The following SHISA9 variants were observed in gnomAD, a reference collection of about 807,000 sequenced individuals.
SHISA9 encodes protein shisa-9.
A neutral mutation model predicts 38.0 loss-of-function variants in SHISA9; 13 were observed. The ratio of observed to expected loss-of-function variants is 0.34; its 90% CI spans 0.22 to 0.54. The LOEUF is 0.54. Among genes scored for constraint, SHISA9 ranks in the 20% least tolerant of loss-of-function variants. The pLI, the probability that SHISA9 is intolerant of heterozygous loss-of-function variation, is 0.91. For missense variants in SHISA9, 538 were observed against 575.8 expected (o/e 0.93, Z 0.67); for synonymous variants, 275 against 242.0 (o/e 1.14, Z -1.27).
intron 2 of SHISA9, among the ~76,000 whole-genome samples, chr16:13,196,112 A>G (rs1426009614): frequency 3.1e-4 from 43 of 138,954 alleles, no homozygotes; most frequent in Middle Eastern, 8.1e-3. Flanking sequence ...AAAAAAAAAA[A>G]AAAGGCCAGG....
the SHISA9 span, among the ~76,000 whole-genome samples, chr16:13,550,869 A>T: frequency 2.8e-4 from 43 of 152,018 alleles, no homozygotes; most frequent in Non-Finnish European, 5.4e-4. Context: ...CACACTTGTA[A>T]TCCCAGCACT....
At chr16:13,118,512 G>A (rs1246979515) in intron 2 of SHISA9, among the ~76,000 whole-genome samples, 1 of 152,102 alleles carries the variant, frequency 6.6e-6, no homozygotes, top group African/African-American at 2.4e-5. Context: ...CTAGAACAGT[G>A]CTTCCCAAAA....
chr16:12,902,127 C>T lies in SHISA9; in HGVS notation c.63C>T (p.Cys21=). Reference sequence around the variant, plus strand: ...TCACCGAGCTGTGCGCCCGCGTGTGCCGGGCGCAGGAGCGAGCGGGACACG... The same window carrying T: ...TCACCGAGCTGTGCGCCCGCGTGTGTCGGGCGCAGGAGCGAGCGGGACACG... ...CFLTELCARV[C]RAQERAGHGQ... The change falls in exon 1 of 5, where the codon TGC becomes TGT. Residue 21 remains cysteine (C), a synonymous_variant. Coordinates refer to ENST00000558583, the MANE Select transcript of SHISA9 (RefSeq NM_001145204.3). 1 of 1,464,530 alleles carries T rather than the reference C, an allele frequency of 6.8e-7. No individual in the cohort carries two copies. Among genetic ancestry groups the T allele is most frequent in the Non-Finnish European group, 9.0e-7 (1 of 1,113,070 alleles). 90.7% of individuals were successfully genotyped at this position (1,464,530 alleles called of 1,614,324 possible). A position where few individuals can be genotyped will look rare whatever the true frequency, so the allele number is the denominator to read the frequency against.
chr16:13,280,954 G>A, the SHISA9 span, among the ~76,000 whole-genome samples: 1 of 151,636 alleles, frequency 6.6e-6, no homozygotes, highest in Non-Finnish European at 1.5e-5. Context: ...AATATATTAG[G>A]TTGATGCAAA....
At chr16:13,512,900 A>C in the SHISA9 span, among the ~76,000 whole-genome samples, 1 of 152,230 alleles carries the variant, frequency 6.6e-6, no homozygotes, top group Non-Finnish European at 1.5e-5. Context: ...CAAAACTATA[A>C]AAACCCTGGA....
At chr16:13,554,669 T>A in the SHISA9 span, among the ~76,000 whole-genome samples, 1 of 152,156 alleles carries the variant, frequency 6.6e-6, no homozygotes, top group African/African-American at 2.4e-5. Context: ...TTTTTGTATT[T>A]TTAGCAGAGA....
At chr16:13,035,353 A>G (rs1255094542) in intron 2 of SHISA9, among the ~76,000 whole-genome samples, 3 of 152,136 alleles carry the variant, frequency 2.0e-5, no homozygotes, top group Non-Finnish European at 2.9e-5. Flanking sequence ...GGTTTGAGAA[A>G]ACATGGCAGG....
At chr16:13,497,953 A>G in the SHISA9 span, among the ~76,000 whole-genome samples, 1 of 152,156 alleles carries the variant, frequency 6.6e-6, no homozygotes, top group Non-Finnish European at 1.5e-5. Flanking sequence ...AAAATATTAA[A>G]GATTTAGCAT....
At chr16:13,416,751 G>A in the SHISA9 span, among the ~76,000 whole-genome samples, 107 of 77,498 alleles carry the variant, frequency 1.4e-3, 1 homozygote, top group East Asian at 8.7e-3. Context: ...AGAAAGGAAG[G>A]AAGGAAGGAA....
intron 1 of SHISA9, among the ~76,000 whole-genome samples, chr16:12,903,745 G>C (rs1224019543): frequency 6.6e-6 from 1 of 152,026 alleles, no homozygotes; most frequent in East Asian, 2.0e-4. Flanking sequence ...CGAAGTCGCT[G>C]TATTTTTCTC....
At chr16:13,190,851 A>G (rs1378237928) in intron 2 of SHISA9, among the ~76,000 whole-genome samples, 1 of 152,164 alleles carries the variant, frequency 6.6e-6, no homozygotes, top group Non-Finnish European at 1.5e-5. Context: ...GCTCAAACAT[A>G]TAAACTCTTG....
At chr16:13,456,898 G>A in the SHISA9 span, among the ~76,000 whole-genome samples, 4 of 125,096 alleles carry the variant, frequency 3.2e-5, no homozygotes, top group East Asian at 7.3e-4. Context: ...TGACTCCATG[G>A]GGAAAGGATA....
chr16:13,462,634 G>A, the SHISA9 span, among the ~76,000 whole-genome samples: 1 of 152,070 alleles, frequency 6.6e-6, no homozygotes, highest in African/African-American at 2.4e-5. Context: ...AAACCAGCCT[G>A]GCCAACATGG....
chr16:12,982,572 C>T (rs1278600333), intron 2 of SHISA9, among the ~76,000 whole-genome samples: 1 of 152,222 alleles, frequency 6.6e-6, no homozygotes, highest in Admixed American at 6.5e-5. Context: ...GCAGGGCATG[C>T]ATGGTACTTT....
At chr16:13,446,916 G>A in the SHISA9 span, among the ~76,000 whole-genome samples, 1 of 151,600 alleles carries the variant, frequency 6.6e-6, no homozygotes, top group Non-Finnish European at 1.5e-5. Context: ...GGAGGTGAAG[G>A]TTGTGGTGAA....
the SHISA9 span, among the ~76,000 whole-genome samples, chr16:13,394,928 G>GGTGTGTGTGTGTGTGTGTGTGT: frequency 7.2e-6 from 1 of 139,402 alleles, no homozygotes; most frequent in Non-Finnish European, 1.5e-5. Flanking sequence ...CAGTATCTGG[G>GGTGTGTGTGTGTGTGTGTGTGT]GTGTGTGTGT....
chr16:13,557,291 G>A, the SHISA9 span, among the ~76,000 whole-genome samples: 1 of 152,122 alleles, frequency 6.6e-6, no homozygotes, highest in African/African-American at 2.4e-5. Context: ...ATCCATCATA[G>A]AGATGAATTC....
chr16:13,290,860 T>A, the SHISA9 span, among the ~76,000 whole-genome samples: 2 of 152,280 alleles, frequency 1.3e-5, no homozygotes, highest in South Asian at 2.1e-4. Flanking sequence ...GCGTTCATTT[T>A]ACTCGCTTAT....
intron 2 of SHISA9, among the ~76,000 whole-genome samples, chr16:13,128,209 C>T (rs1196833288): frequency 6.6e-6 from 1 of 152,126 alleles, no homozygotes; most frequent in Non-Finnish European, 1.5e-5. Context: ...CAAAAAGGCT[C>T]TCCTGGGTGA....
Sources: gnomAD v4.1 joint callset for allele counts (sites outside exome capture counted in the v4.1 genomes callset) on GRCh38, gnomAD v4.1.1 for gene constraint, MANE v1.5 for transcripts, NCBI Gene and HGNC (gene_info 2026-07-23, HGNC 2026-07-21) for gene names.